The following MTHFD1 variants were observed in gnomAD, a reference collection of about 807,000 sequenced individuals.
The protein encoded by MTHFD1 is C-1-tetrahydrofolate synthase, cytoplasmic.
Under a neutral mutation model 110.3 loss-of-function variants are expected in MTHFD1, and 44 were observed. That is an observed-to-expected ratio of 0.40 (90% CI 0.31 to 0.51). The LOEUF (loss-of-function observed/expected upper bound fraction) is 0.51, where lower values mean the gene tolerates loss of function less well. Among genes scored for constraint, MTHFD1 ranks in the 20% least tolerant of loss-of-function variants. The pLI, the probability that MTHFD1 is intolerant of heterozygous loss-of-function variation, is 0.60. For synonymous variants in MTHFD1, 402 were observed against 428.8 expected, an observed-to-expected ratio of 0.94 and a Z score of 0.77; for missense variants, 909 against 1,173.1, an observed-to-expected ratio of 0.77 and a Z score of 3.29.
chr14:64,419,218 C>T (rs1596540911), intron 7 of MTHFD1: 1 of 176,454 alleles, frequency 5.7e-6, no homozygotes, highest in East Asian at 1.4e-4. Context: ...GCAGTACAGG[C>T]ACTCAGATTG....
chr14:64,397,353 C>T (rs1303520264), intron 1 of MTHFD1, among the ~76,000 whole-genome samples: 10 of 149,000 alleles, frequency 6.7e-5, no homozygotes, highest in Admixed American at 6.7e-5. Flanking sequence ...AGTGCAGTGG[C>T]GCGATCTCTG....
chr14:64,402,948 G>C (rs970230471), intron 2 of MTHFD1, among the ~76,000 whole-genome samples: 6 of 152,056 alleles, frequency 3.9e-5, no homozygotes, highest in South Asian at 2.1e-4. Flanking sequence ...GCACTCAAGA[G>C]TTGAGGTTTA....
chr14:64,424,960 G>C, intron 9 of MTHFD1, 29 bp downstream of exon 9: 7 of 1,613,916 alleles, frequency 4.3e-6, no homozygotes, highest in Non-Finnish European at 5.9e-6. Context: ...TTCTATAAGA[G>C]TTCTGAAAAG....
chr14:64,411,101 A>G lies in MTHFD1; in HGVS notation c.138A>G (p.Arg46=). ...ATTTATTATTCTAGGTTGGCAACAG[A>G]GATGATTCCAATCTTTATATAAATG... ...PRLAILQVGN[R]DDSNLYINVK... Residue 46 remains arginine (R), a synonymous_variant, in exon 3 of 28, where the codon AGA becomes AGG. Transcript: ENST00000652337. 6.2e-7 allele frequency: 1 copy of G among 1,612,106 alleles called. No homozygotes were observed. Among genetic ancestry groups the G allele is most frequent in the South Asian group, 1.1e-5 (1 of 91,032 alleles).
At chr14:64,406,494 T>TG (rs1337596731) in intron 2 of MTHFD1, among the ~76,000 whole-genome samples, 1 of 147,394 alleles carries the variant, frequency 6.8e-6, no homozygotes, top group African/African-American at 2.5e-5. Flanking sequence ...TTTGTGGTTT[T>TG]TTTTTTTTTT....
intron 12 of MTHFD1, 32 bp downstream of exon 12, chr14:64,427,505 AG>A (rs767428966): frequency 6.2e-7 from 1 of 1,612,686 alleles, no homozygotes; most frequent in Non-Finnish European, 8.5e-7. Context: ...GGGTGGTGAC[AG>A]GGGACCTGCT....
Position 64,449,744 on chromosome 14 carries a change from C to T in MTHFD1, c.2457+122C>T, listed in dbSNP as rs570528572. 4.1e-4 allele frequency: 476 copies of T among 1,161,712 alleles called. 3 individuals are homozygous for T. The highest frequency in any genetic ancestry group is 2.3e-3 in the South Asian group (179 of 76,378). The allele number at this position is 1,161,712 out of a possible 1,614,324, so 72.0% of individuals were successfully genotyped here. ...CTTCAGCCTTGCGGTTTGATTCCCACGTAGGTGACTTACACAACCACAGCC... is the reference window on the plus strand; with the variant it reads ...CTTCAGCCTTGCGGTTTGATTCCCATGTAGGTGACTTACACAACCACAGCC... On this transcript the variant is annotated intron_variant, in intron 24 of 27. Coordinates refer to ENST00000652337, the MANE Select transcript of MTHFD1 (RefSeq NM_005956.4).
intron 1 of MTHFD1, among the ~76,000 whole-genome samples, chr14:64,390,088 C>T (rs1253704362): frequency 6.6e-6 from 1 of 152,152 alleles, no homozygotes; most frequent in African/African-American, 2.4e-5. Context: ...ACCCTGTTTC[C>T]TGCCTTACTA....
intron 24 of MTHFD1, among the ~76,000 whole-genome samples, chr14:64,450,784 T>C (rs2078357401): frequency 6.6e-6 from 1 of 152,188 alleles, no homozygotes; most frequent in Non-Finnish European, 1.5e-5. Context: ...CATGGCACAC[T>C]GCAGCCTCAA....
At chr14:64,441,202 T>G in intron 18 of MTHFD1, 183 bp from the exon 19 acceptor site, 1 of 645,508 alleles carries the variant, frequency 1.5e-6, no homozygotes, top group Non-Finnish European at 2.8e-6. Context: ...AAAAAATAAA[T>G]AATTTAATAA....
intron 15 of MTHFD1, among the ~76,000 whole-genome samples, chr14:64,433,187 T>A (rs2078174273): frequency 1.3e-5 from 2 of 152,176 alleles, no homozygotes; most frequent in East Asian, 1.9e-4. Context: ...AATGGTGTGA[T>A]CTCAGCTCAC....
intron 16 of MTHFD1, among the ~76,000 whole-genome samples, 181 bp downstream of exon 16, chr14:64,435,852 T>G (rs568669011): frequency 1.4e-4 from 21 of 152,212 alleles, no homozygotes; most frequent in Non-Finnish European, 2.2e-4. Context: ...TCTCTCCTTA[T>G]TAGCTATCAT....
Position 64,424,804 on chromosome 14 carries a change from A to G in MTHFD1, c.728A>G (p.Asp243Gly). 6.2e-7 allele frequency: 1 copy of G among 1,614,024 alleles called. No homozygotes were observed. The highest frequency in any genetic ancestry group is 1.3e-5 in the African/African-American group (1 of 75,042). Residue 243 changes from aspartate to glycine, a missense_variant and splice_region_variant, in exon 9 of 28, where the codon GAT becomes GGT. Asp to Gly is a moderately conservative substitution (Grantham distance 94, BLOSUM62 -1). Coordinates refer to ENST00000652337, the MANE Select transcript of MTHFD1 (RefSeq NM_005956.4). ...TTTGATTTCTCCCCCACTTGACCAG[A>G]TGATAAAAAACCAAATGGGAGAAAA... ...VIDCGINYVP[D>G]DKKPNGRKVV...
At chr14:64,448,973 G>T in intron 23 of MTHFD1, 1 of 228,238 alleles carries the variant, frequency 4.4e-6, no homozygotes, top group Non-Finnish European at 8.8e-6. Flanking sequence ...CTAATTTTTT[G>T]TATTTTTAGT....
In MTHFD1 at chr14:64,425,315, T is replaced by A. The variant is rs546869290; in HGVS notation, c.855+384T>A. On this transcript the variant is annotated intron_variant, in intron 9 of 27. Coordinates refer to ENST00000652337, the MANE Select transcript of MTHFD1 (RefSeq NM_005956.4). ...GCAACCTCCATCTCCCTGATTCAAG[T>A]GATTCTCCTGCCTCAGCCTCCTGAG... 4.2e-4 allele frequency among the ~76,000 whole-genome samples: 64 copies of A among 151,184 alleles called. 1 individual carries two copies. The highest frequency in any genetic ancestry group is 1.5e-3 in the African/African-American group (63 of 41,194).
Position 64,411,769 on chromosome 14 carries a change from C to T in MTHFD1, c.186+620C>T, listed in dbSNP as rs151142944. 7.4e-4 allele frequency among the ~76,000 whole-genome samples: 113 copies of T among 152,132 alleles called. No individual in the cohort carries two copies. The East Asian group carries it at 0.018, about 25-fold the overall frequency. ...ACAAAAAATTAGCTGGGTGTGGTGG[C>T]GCATGCCTGTAATCCCAGCTACTCG... On this transcript the variant is annotated intron_variant, in intron 3 of 27. Transcript: ENST00000652337.
At chr14:64,450,053 G>A (rs866688741) in intron 24 of MTHFD1, among the ~76,000 whole-genome samples, 77 of 151,906 alleles carry the variant, frequency 5.1e-4, no homozygotes, top group African/African-American at 1.8e-3. Context: ...GCCTCCCAAA[G>A]TGCTGGAATT....
At position 64,400,789 on chromosome 14, in the gene MTHFD1, C is replaced by A; in HGVS notation, c.42-4C>A. 1 of 1,609,434 alleles carries A rather than the reference C, an allele frequency of 6.2e-7. No individual in the cohort carries two copies. The highest frequency in any genetic ancestry group is 2.2e-5 in the East Asian group (1 of 44,860). On this transcript the variant is annotated splice_region_variant and splice_polypyrimidine_tract_variant and intron_variant, in intron 1 of 27. Transcript: ENST00000652337. Reference sequence around the variant, plus strand: ...GTTAACCCCACCCTTTCCTTTTTCTCTAGGCAAATAAGGGCGAGACTGAAA... The same window carrying A: ...GTTAACCCCACCCTTTCCTTTTTCTATAGGCAAATAAGGGCGAGACTGAAA...
intron 4 of MTHFD1, among the ~76,000 whole-genome samples, chr14:64,413,946 T>C (rs11844750): frequency 0.83 from 126,298 of 152,202 alleles, 52,598 homozygotes; most frequent in Middle Eastern, 0.93. Flanking sequence ...CCTCCCACCT[T>C]AGCCTCTTGA....
Sources: allele counts gnomAD v4.1 joint callset (sites outside exome capture counted in the v4.1 genomes callset), GRCh38; gene constraint gnomAD v4.1.1; transcripts MANE v1.5; gene names NCBI Gene and HGNC (gene_info 2026-07-23, HGNC 2026-07-21).